Variants in PRUNE2 observed in about 807,000 individuals in gnomAD.
PRUNE2 encodes protein prune homolog 2.
A neutral mutation model predicts 252.0 loss-of-function variants in PRUNE2; 164 were observed. That is an observed-to-expected ratio of 0.65 (90% CI 0.57 to 0.74). PRUNE2 has a LOEUF of 0.74. Ranked by LOEUF, PRUNE2 falls within the 30% of genes least tolerant of loss-of-function variation. PRUNE2 has a pLI of 0.00. For missense variants in PRUNE2, 3,495 were observed against 3,711.0 expected (o/e 0.94, Z 1.51); for synonymous variants, 1,292 against 1,350.2 (o/e 0.96, Z 0.94).
At chr9:76,878,214 C>T (rs1201018735) in intron 1 of PRUNE2, among the ~76,000 whole-genome samples, 1 of 152,136 alleles carries the variant, frequency 6.6e-6, no homozygotes, top group African/African-American at 2.4e-5. Flanking sequence ...GAGAACCAAG[C>T]ATTCTCTTTG....
chr9:76,767,319 C>T (rs2052518319), intron 6 of PRUNE2, among the ~76,000 whole-genome samples: 1 of 151,976 alleles, frequency 6.6e-6, no homozygotes, highest in African/African-American at 2.4e-5. Flanking sequence ...GGCATGGTGG[C>T]ACACGCCTGT....
At chr9:76,795,528 T>C (rs2056008332) in intron 6 of PRUNE2, among the ~76,000 whole-genome samples, 1 of 152,116 alleles carries the variant, frequency 6.6e-6, no homozygotes, top group South Asian at 2.1e-4. Flanking sequence ...TCAACCTGAT[T>C]TTGAGTTACT....
At chr9:76,749,355 C>A (rs1003419697) in intron 6 of PRUNE2, among the ~76,000 whole-genome samples, 5 of 152,210 alleles carry the variant, frequency 3.3e-5, no homozygotes, top group Non-Finnish European at 7.3e-5. Flanking sequence ...TTTCTTCTCA[C>A]CCCCAAGTTT....
chr9:76,734,915 C>T (rs1459538599), intron 6 of PRUNE2, among the ~76,000 whole-genome samples: 1 of 152,136 alleles, frequency 6.6e-6, no homozygotes, highest in Non-Finnish European at 1.5e-5. Flanking sequence ...TCTAGAGCTG[C>T]CCAGAGCCAT....
intron 18 of PRUNE2, among the ~76,000 whole-genome samples, chr9:76,617,805 TG>T (rs1830404332): frequency 6.6e-6 from 1 of 152,074 alleles, no homozygotes; most frequent in Non-Finnish European, 1.5e-5. Context: ...AGCAAAGAAG[TG>T]GGTAAGCCCC....
At chr9:76,904,490 T>TAC (rs905768771) in intron 1 of PRUNE2, among the ~76,000 whole-genome samples, 6 of 152,204 alleles carry the variant, frequency 3.9e-5, no homozygotes, top group Non-Finnish European at 5.9e-5. Flanking sequence ...ACCATTTTCA[T>TAC]ACACACACAC....
chr9:76,699,316 G>A (rs1048064212), intron 9 of PRUNE2, among the ~76,000 whole-genome samples: 3 of 151,812 alleles, frequency 2.0e-5, no homozygotes, highest in Admixed American at 6.6e-5. Context: ...TAATGTTTAT[G>A]TTTCGACTTG....
At chr9:76,648,320 T>C (rs1845803353) in intron 11 of PRUNE2, among the ~76,000 whole-genome samples, 1 of 152,194 alleles carries the variant, frequency 6.6e-6, no homozygotes, top group African/African-American at 2.4e-5. Context: ...TCCTTGGTAA[T>C]TACCCAAATG....
chr9:76,792,781 GC>G (rs1215558073), intron 6 of PRUNE2, among the ~76,000 whole-genome samples: 3 of 152,008 alleles, frequency 2.0e-5, no homozygotes, highest in Non-Finnish European at 4.4e-5. Flanking sequence ...GTTACTATTT[GC>G]CAATAATAGC....
At chr9:76,815,662 C>T (rs2057645922) in intron 6 of PRUNE2, among the ~76,000 whole-genome samples, 1 of 152,144 alleles carries the variant, frequency 6.6e-6, no homozygotes, top group Admixed American at 6.5e-5. Context: ...TATATAATCC[C>T]TGTTGCAAAA....
At chr9:76,755,983 G>A (rs1036020980) in intron 6 of PRUNE2, among the ~76,000 whole-genome samples, 4 of 152,164 alleles carry the variant, frequency 2.6e-5, no homozygotes, top group African/African-American at 9.7e-5. Flanking sequence ...GACTATAGGC[G>A]TGAGCCACCG....
At chr9:76,777,760 G>A (rs748560714) in intron 6 of PRUNE2, among the ~76,000 whole-genome samples, 7 of 152,200 alleles carry the variant, frequency 4.6e-5, no homozygotes, top group Non-Finnish European at 1.0e-4. Context: ...GAATATCAGG[G>A]GAAAGGGAAG....
At chr9:76,760,017 T>G (rs1382184197) in intron 6 of PRUNE2, 1 of 152,278 alleles carries the variant, frequency 6.6e-6, no homozygotes, top group Non-Finnish European at 1.5e-5. Flanking sequence ...CAGTTTCACT[T>G]CCTTTGTACA....
Position 76,879,326 on chromosome 9 carries a change from C to A in PRUNE2, c.37-25118G>T, listed in dbSNP as rs556829395. On this transcript the variant is annotated intron_variant, in intron 1 of 18. Coordinates refer to ENST00000376718, the MANE Select transcript of PRUNE2 (RefSeq NM_015225.3). ...AATACATGTTGGGGCCATCTGCACA[C>A]CCCGATTTTGTTAAGACACAATGAA... Among the ~76,000 whole-genome samples, 6 of 152,302 alleles carry A rather than the reference C, an allele frequency of 3.9e-5. No individual in the cohort carries two copies. In the East Asian group the frequency reaches 1.2e-3, roughly 29 times the overall value.
chr9:76,755,858 C>A (rs1020035173), intron 6 of PRUNE2, among the ~76,000 whole-genome samples: 2 of 152,084 alleles, frequency 1.3e-5, no homozygotes, highest in African/African-American at 2.4e-5. Context: ...CACGCCACCA[C>A]GCCCCGGTAA....
chr9:76,730,868 A>C (rs2048501594), intron 6 of PRUNE2, among the ~76,000 whole-genome samples: 1 of 152,178 alleles, frequency 6.6e-6, no homozygotes, highest in Non-Finnish European at 1.5e-5. Flanking sequence ...GCACCACTGC[A>C]CTCCAGCCTG....
chr9:76,895,788 A>G (rs1255945344), intron 1 of PRUNE2, among the ~76,000 whole-genome samples: 1 of 151,768 alleles, frequency 6.6e-6, no homozygotes, highest in Admixed American at 6.6e-5. Flanking sequence ...TTATTTATTT[A>G]TTTATTTATT....
intron 1 of PRUNE2, among the ~76,000 whole-genome samples, chr9:76,905,080 T>A (rs1365033776): frequency 6.6e-6 from 1 of 152,234 alleles, no homozygotes; most frequent in African/African-American, 2.4e-5. Context: ...TGCTTCTAAA[T>A]GAGTACAGGC....
rs763199496 is a variant in PRUNE2, at chr9:76,838,770, C to G, written c.508+7745G>C. On this transcript the variant is annotated intron_variant, in intron 4 of 18. Coordinates refer to ENST00000376718, the MANE Select transcript of PRUNE2 (RefSeq NM_015225.3). Reference sequence around the variant, plus strand: ...AGAGTATACCACAAAAATGGGAATACCAGTTAACGCTAGTTAGGGAGGGAG... The same window carrying G: ...AGAGTATACCACAAAAATGGGAATAGCAGTTAACGCTAGTTAGGGAGGGAG... Among the ~76,000 whole-genome samples, 5 of 151,498 alleles carry G rather than the reference C, an allele frequency of 3.3e-5. No individual in the cohort carries two copies. In the East Asian group the frequency reaches 9.7e-4, roughly 29 times the overall value.
Sources: allele counts gnomAD v4.1 joint callset (sites outside exome capture counted in the v4.1 genomes callset), GRCh38; gene constraint gnomAD v4.1.1; transcripts MANE v1.5; gene names NCBI Gene and HGNC (gene_info 2026-07-23, HGNC 2026-07-21).